The following SEC62 variants were observed in gnomAD, a reference collection of about 807,000 sequenced individuals.
SEC62 encodes SEC62 preprotein translocation factor.
SEC62 carries 10 observed loss-of-function variants against 47.5 expected under a neutral mutation model. That is an observed-to-expected ratio of 0.21 (90% CI 0.13 to 0.36). The LOEUF (loss-of-function observed/expected upper bound fraction) is 0.36. Among genes scored for constraint, SEC62 ranks in the 10% least tolerant of loss-of-function variants. The pLI, the probability that SEC62 is intolerant of heterozygous loss-of-function variation, is 1.00. For synonymous variants in SEC62, 136 were observed against 150.5 expected, an observed-to-expected ratio of 0.90 and a Z score of 0.71; for missense variants, 327 against 464.1, an observed-to-expected ratio of 0.70 and a Z score of 2.71.
chr3:169,988,567 T>A (rs557837257), intron 7 of SEC62, among the ~76,000 whole-genome samples: 81 of 152,294 alleles, frequency 5.3e-4, no homozygotes, highest in Admixed American at 3.3e-3. Context: ...TTTAAAAAAA[T>A]TTTTTAATAA....
At position 169,992,974 on chromosome 3, in the gene SEC62, C is replaced by A; in HGVS notation, c.1111C>A (p.Leu371Met). The A allele has an allele frequency of 6.2e-7, 1 of 1,613,718 alleles. No homozygotes were observed. Among genetic ancestry groups the A allele is most frequent in the Non-Finnish European group, 8.5e-7 (1 of 1,179,878 alleles). ...TTTTGAAATGATAACAAAAGAGGAA[C>A]TGGAACAGCAAACAGATGGGGATTG... ...NDFEMITKEE[L>M]EQQTDGDCEE... is the part of the protein sequence containing the mutation. The change falls in exon 8 of 8, where the codon CTG (leucine) becomes ATG (methionine). Residue 371 changes from leucine to methionine, a missense_variant. Around this residue, in one of 3 missense-constraint regions of SEC62, gnomAD observed 102 missense variants for 108.8 expected, o/e 0.94. Coordinates refer to ENST00000337002, the MANE Select transcript of SEC62 (RefSeq NM_003262.4). The surrounding 1 kb of genome is among the most constrained non-coding windows in gnomAD (Gnocchi z 4.0).
intron 3 of SEC62, among the ~76,000 whole-genome samples, chr3:169,981,490 G>A (rs1459055869): frequency 6.6e-6 from 1 of 152,204 alleles, no homozygotes; most frequent in East Asian, 1.9e-4. Context: ...TAGAAAGGTA[G>A]CTAGATAGTC....
At chr3:169,968,366 G>A (rs1714608711) in intron 1 of SEC62, 7 of 151,994 alleles carry the variant, frequency 4.6e-5, no homozygotes, top group Admixed American at 4.6e-4. Flanking sequence ...TTATTTAGTT[G>A]TGATCTTATA....
In SEC62 at chr3:169,992,995, GA is replaced by G; in HGVS notation, c.1133del (p.Asp378ValfsTer31). Reference sequence around the variant, plus strand: ...GGAACTGGAACAGCAAACAGATGGGGATTGTGAAGAGGATGAGGAAGAGGAA... The same window carrying G: ...GGAACTGGAACAGCAAACAGATGGGGTTGTGAAGAGGATGAGGAAGAGGAA... ...KEELEQQTDG[D>X]CEEDEEEEND... On this transcript the variant is annotated frameshift_variant, in exon 8 of 8. Transcript: ENST00000337002. LOFTEE classifies it high-confidence loss of function. The surrounding 1 kb of genome is among the most constrained non-coding windows in gnomAD (Gnocchi z 4.0). 6.2e-7 allele frequency: 1 copy of G among 1,613,748 alleles called. No individual in the cohort carries two copies. The highest frequency in any genetic ancestry group is 8.5e-7 in the Non-Finnish European group (1 of 1,179,826).
At chr3:169,966,947 A>C in intron 1 of SEC62, 89 bp downstream of exon 1, 1 of 535,036 alleles carries the variant, frequency 1.9e-6, no homozygotes, top group Non-Finnish European at 3.2e-6. Flanking sequence ...GAGCGAAAGC[A>C]AGGGCGAGGT....
intron 2 of SEC62, among the ~76,000 whole-genome samples, chr3:169,976,077 G>T (rs1036043428): frequency 6.6e-6 from 1 of 152,132 alleles, no homozygotes; most frequent in African/African-American, 2.4e-5. Flanking sequence ...ATAAGTAGGG[G>T]TTGAGTTTGC....
Position 169,995,869 on chromosome 3 carries a change from C to G in SEC62, c.*2806C>G, listed in dbSNP as rs1715361600. The G allele has an allele frequency of 6.6e-6, 1 of 152,096 alleles. No homozygotes were observed. The highest frequency in any genetic ancestry group is 2.4e-5 in the African/African-American group (1 of 41,408). 9.4% of individuals were successfully genotyped at this position (152,096 alleles called of 1,614,324 possible). A position where few individuals can be genotyped will look rare whatever the true frequency, so the allele number is the denominator to read the frequency against. On this transcript the variant is annotated 3_prime_UTR_variant, in exon 8 of 8. Transcript: ENST00000337002. ...GATTCATTAACATTGAAGTCATGAC[C>G]AACAACACTGTAACTCATGCCTGAA... is the stretch of plus-strand genomic sequence containing the variant.
intron 6 of SEC62, among the ~76,000 whole-genome samples, chr3:169,986,659 A>G (rs999157172): frequency 6.6e-6 from 1 of 152,222 alleles, no homozygotes; most frequent in African/African-American, 2.4e-5. Flanking sequence ...GAATACAGGT[A>G]AGCTTAATAG....
intron 1 of SEC62, among the ~76,000 whole-genome samples, chr3:169,967,638 C>T (rs1281201839): frequency 6.6e-6 from 1 of 152,142 alleles, no homozygotes; most frequent in Non-Finnish European, 1.5e-5. Flanking sequence ...GCATTTCTTC[C>T]TTGCGATTTT....
Position 169,978,264 on chromosome 3 carries a change from G to A in SEC62, c.251+1213G>A, listed in dbSNP as rs1426202297. Among the ~76,000 whole-genome samples the A allele has an allele frequency of 5.3e-5, 8 of 152,164 alleles. No individual in the cohort carries two copies. The East Asian group carries it at 1.5e-3, about 29-fold the overall frequency. On this transcript the variant is annotated intron_variant, in intron 3 of 7. Coordinates refer to ENST00000337002, the MANE Select transcript of SEC62 (RefSeq NM_003262.4). ...ACTGCACTCCAGCCTGGGCGACAGA[G>A]TGAGACATTGTTGAGACAAGGATGA...
chr3:169,985,703 G>A (rs1312464468), intron 5 of SEC62, 102 bp from the exon 6 acceptor site: 2 of 744,472 alleles, frequency 2.7e-6, no homozygotes, highest in Non-Finnish European at 4.3e-6. Flanking sequence ...CGTATGTTAA[G>A]AGGTTGATGA....
intron 5 of SEC62, among the ~76,000 whole-genome samples, chr3:169,984,640 A>G (rs778577218): frequency 6.6e-6 from 1 of 152,176 alleles, no homozygotes; most frequent in Admixed American, 6.5e-5. Flanking sequence ...GTTGTGAAAT[A>G]TCTTTTTTAA....
rs941859096 is a variant in SEC62 at position 169,996,154 on chromosome 3, C to T, written c.*3091C>T. On this transcript the variant is annotated 3_prime_UTR_variant, in exon 8 of 8. Coordinates refer to ENST00000337002, the MANE Select transcript of SEC62 (RefSeq NM_003262.4). ...CTGTACCACAAAATTTTAGGTTAGG[C>T]AAATTCACAAATACGGAATCCATGA... 6.6e-6 allele frequency: 1 copy of T among 152,258 alleles called. No homozygotes were observed. Among genetic ancestry groups the T allele is most frequent in the Non-Finnish European group, 1.5e-5 (1 of 68,044 alleles). The allele number at this position is 152,258 out of a possible 1,614,324, so 9.4% of individuals were successfully genotyped here.
chr3:169,983,270 A>G lies in SEC62; in HGVS notation c.549+17A>G, dbSNP rs767002259. On this transcript the variant is annotated intron_variant, in intron 5 of 7. Coordinates refer to ENST00000337002, the MANE Select transcript of SEC62 (RefSeq NM_003262.4). ...GGAAATGAGGTGAGAGTAAGCCTAT[A>G]ACTAGAAGTTCAGTTTTCTATAGGA... is the stretch of plus-strand genomic sequence containing the variant. 3 of 1,556,184 alleles carry G rather than the reference A, an allele frequency of 1.9e-6. No homozygotes were observed. The highest frequency in any genetic ancestry group is 8.7e-7 in the Non-Finnish European group (1 of 1,144,526).
rs1715433673 is a variant in SEC62 at position 169,998,262 on chromosome 3, A to G, written c.*5199A>G. ...TGATACTTCGCATAATTCAATTTTA[A>G]TATTATTCACATTTCATGTCACAAA... On this transcript the variant is annotated 3_prime_UTR_variant, in exon 8 of 8. Transcript: ENST00000337002. 1 of 152,200 alleles carries G rather than the reference A, an allele frequency of 6.6e-6. No individual in the cohort carries two copies. The allele number at this position is 152,200 out of a possible 1,614,324, so 9.4% of individuals were successfully genotyped here.
rs2108292215 is a variant in SEC62, at chr3:169,997,297, A to G, written c.*4234A>G. 6.6e-6 allele frequency: 1 copy of G among 152,288 alleles called. No individual in the cohort carries two copies. Among genetic ancestry groups the G allele is most frequent in the Admixed American group, 6.5e-5 (1 of 15,300 alleles). 9.4% of individuals were successfully genotyped at this position (152,288 alleles called of 1,614,324 possible). A position where few individuals can be genotyped will look rare whatever the true frequency, so the allele number is the denominator to read the frequency against. On this transcript the variant is annotated 3_prime_UTR_variant, in exon 8 of 8. Coordinates refer to ENST00000337002, the MANE Select transcript of SEC62 (RefSeq NM_003262.4). The stretch of plus-strand genomic sequence containing the variant: ...ATTTTCTGAGGTTTATAGTTTTAGG[A>G]TTGTCCAAAAGGCCTATGATCTCTT...
rs1406065179 is a variant in SEC62 at position 169,992,562 on chromosome 3, T to A, written c.731-32T>A. On this transcript the variant is annotated intron_variant, in intron 7 of 7. Transcript: ENST00000337002. This position sits in a 1 kb window ranked among gnomAD's most constrained non-coding sequence, Gnocchi z 4.0. ...ACTCCCTTCTGAGGCAGTGTTTGAA[T>A]TACTCAATTAGAGAAATTTTTCTCC... 2.3e-5 allele frequency: 34 copies of A among 1,488,080 alleles called. No individual in the cohort carries two copies. The highest frequency in any genetic ancestry group is 3.0e-5 in the Non-Finnish European group (32 of 1,080,584). 92.2% of individuals were successfully genotyped at this position (1,488,080 alleles called of 1,614,324 possible). A position where few individuals can be genotyped will look rare whatever the true frequency, so the allele number is the denominator to read the frequency against.
At chr3:169,972,286 A>C (rs1433339937) in intron 1 of SEC62, among the ~76,000 whole-genome samples, 2 of 152,130 alleles carry the variant, frequency 1.3e-5, no homozygotes, top group African/African-American at 4.8e-5. Context: ...AGTACTTCCT[A>C]GCTTGTCTCT....
At chr3:169,988,990 C>G (rs1048842863) in intron 7 of SEC62, among the ~76,000 whole-genome samples, 1 of 151,344 alleles carries the variant, frequency 6.6e-6, no homozygotes, top group Non-Finnish European at 1.5e-5. Flanking sequence ...TAATTTTCAC[C>G]CAAGTACCAA....
Sources: allele counts gnomAD v4.1 joint callset (sites outside exome capture counted in the v4.1 genomes callset), GRCh38; gene constraint gnomAD v4.1.1; regional missense constraint gnomAD v4.1.1; non-coding constraint Gnocchi (gnomAD v3.1); transcripts MANE v1.5; gene names NCBI Gene and HGNC (gene_info 2026-07-23, HGNC 2026-07-21).